ATP2B2: variants seen among roughly 807,000 people sequenced by gnomAD.
ATP2B2 encodes the protein ATPase plasma membrane Ca2+ transporting 2.
Under a neutral mutation model 120.0 loss-of-function variants are expected in ATP2B2, and 15 were observed. The observed-to-expected ratio is 0.12, with a 90% CI of 0.08 to 0.19. ATP2B2 has a LOEUF of 0.19. ATP2B2 is among the 10% of genes least tolerant of loss of function. ATP2B2 has a pLI of 1.00. For missense variants in ATP2B2, 1,045 were observed against 1,719.8 expected (o/e 0.61, Z 6.94); for synonymous variants, 694 against 700.3 (o/e 0.99, Z 0.14).
chr3:10,573,272 TTGAA>T (rs2125547866), intron 2 of ATP2B2, among the ~76,000 whole-genome samples: 1 of 152,252 alleles, frequency 6.6e-6, no homozygotes, highest in Admixed American at 6.5e-5. Flanking sequence ...GAATAATTGA[TTGAA>T]TGTCTATGTT....
At chr3:10,391,947 C>G (rs938068077) in intron 5 of ATP2B2, among the ~76,000 whole-genome samples, 2 of 152,190 alleles carry the variant, frequency 1.3e-5, no homozygotes, top group African/African-American at 4.8e-5. Flanking sequence ...CTGGCCTTTG[C>G]TCACAGTGAT....
intron 1 of ATP2B2, among the ~76,000 whole-genome samples, chr3:10,674,463 T>C (rs761643914): frequency 6.6e-6 from 1 of 152,204 alleles, no homozygotes; most frequent in Non-Finnish European, 1.5e-5. Flanking sequence ...AGGTGACTCA[T>C]GAGAGTATAC....
chr3:10,379,173 G>T, intron 9 of ATP2B2, 70 bp downstream of exon 9: 2 of 1,531,660 alleles, frequency 1.3e-6, no homozygotes. Flanking sequence ...CTCTGTCTCT[G>T]GTGTGACTGT....
intron 2 of ATP2B2, among the ~76,000 whole-genome samples, chr3:10,594,225 C>T (rs967023897): frequency 6.6e-6 from 1 of 152,030 alleles, no homozygotes; most frequent in African/African-American, 2.4e-5. Context: ...GGGTATATAC[C>T]CAAAAGATTA....
chr3:10,604,942 T>A lies in ATP2B2; in HGVS notation c.-415+14975A>T, dbSNP rs559417648. 2.7e-3 allele frequency among the ~76,000 whole-genome samples: 413 copies of A among 152,342 alleles called. 2 individuals are homozygous for A. The highest frequency in any genetic ancestry group is 9.3e-3 in the African/African-American group (388 of 41,574). Reference sequence around the variant, plus strand: ...ATTCAACTGTTCTTGTTCTGAGCTTTAGCCCCTGCTGATCCCTCCTCCTGG... The same window carrying A: ...ATTCAACTGTTCTTGTTCTGAGCTTAAGCCCCTGCTGATCCCTCCTCCTGG... On this transcript the variant is annotated intron_variant, in intron 2 of 21. Transcript: ENST00000646379.
At chr3:10,466,727 A>T (rs963738665) in intron 1 of ATP2B2, among the ~76,000 whole-genome samples, 46 of 152,224 alleles carry the variant, frequency 3.0e-4, no homozygotes, top group Non-Finnish European at 5.4e-4. Flanking sequence ...GAACCCAATG[A>T]CAGAACAACA....
chr3:10,389,290 C>T (rs1297339739), intron 5 of ATP2B2, among the ~76,000 whole-genome samples: 2 of 152,242 alleles, frequency 1.3e-5, no homozygotes, highest in Non-Finnish European at 2.9e-5. Flanking sequence ...TTGCTGCTTG[C>T]AGGCAGCCTC....
At chr3:10,362,658 C>T (rs544386456) in intron 12 of ATP2B2, among the ~76,000 whole-genome samples, 4 of 152,150 alleles carry the variant, frequency 2.6e-5, no homozygotes, top group African/African-American at 9.7e-5. Context: ...GCTCAGAGCA[C>T]CTCCCCGGCT....
At chr3:10,482,457 A>T (rs1224948943) in intron 1 of ATP2B2, among the ~76,000 whole-genome samples, 1 of 152,094 alleles carries the variant, frequency 6.6e-6, no homozygotes, top group African/African-American at 2.4e-5. Flanking sequence ...CCATCCCTCC[A>T]TGCCTCACCT....
intron 22 of ATP2B2, among the ~76,000 whole-genome samples, chr3:10,334,984 T>C (rs2060078593): frequency 1.3e-5 from 2 of 152,196 alleles, no homozygotes; most frequent in Admixed American, 1.3e-4. Flanking sequence ...CAGAAGCGCC[T>C]GACTGGAAAC....
At chr3:10,695,647 A>G (rs1210094581) in intron 1 of ATP2B2, among the ~76,000 whole-genome samples, 1 of 152,152 alleles carries the variant, frequency 6.6e-6, no homozygotes, top group Non-Finnish European at 1.5e-5. Context: ...CCCCTAACCA[A>G]GTGAGAGAGC....
At chr3:10,636,931 A>G (rs1302102973) in intron 1 of ATP2B2, among the ~76,000 whole-genome samples, 1 of 152,216 alleles carries the variant, frequency 6.6e-6, no homozygotes, top group Non-Finnish European at 1.5e-5. Context: ...AACTTACCCA[A>G]GTCCAGGGAA....
chr3:10,453,772 C>T (rs548314358), intron 1 of ATP2B2, among the ~76,000 whole-genome samples: 2 of 152,244 alleles, frequency 1.3e-5, no homozygotes, highest in East Asian at 3.9e-4. Context: ...CAACAGTAGG[C>T]ATGAGTTAGT....
At chr3:10,676,050 C>A (rs2071233219) in intron 1 of ATP2B2, among the ~76,000 whole-genome samples, 1 of 152,180 alleles carries the variant, frequency 6.6e-6, no homozygotes, top group Non-Finnish European at 1.5e-5. Flanking sequence ...TCTGTCTCTT[C>A]CACTGCTTCC....
At chr3:10,702,348 G>A (rs1408436933) in intron 1 of ATP2B2, among the ~76,000 whole-genome samples, 2 of 152,212 alleles carry the variant, frequency 1.3e-5, no homozygotes, top group Non-Finnish European at 2.9e-5. Flanking sequence ...TACCGCGTGT[G>A]CCAGGCACTA....
intron 2 of ATP2B2, among the ~76,000 whole-genome samples, chr3:10,422,181 A>T (rs1385472916): frequency 1.3e-5 from 2 of 152,088 alleles, no homozygotes; most frequent in Non-Finnish European, 2.9e-5. Context: ...GGGACTAGAG[A>T]TGGGGATGTA....
chr3:10,572,147 C>A (rs2068142996), intron 2 of ATP2B2, among the ~76,000 whole-genome samples: 1 of 152,178 alleles, frequency 6.6e-6, no homozygotes. Flanking sequence ...CAGGCGGAGG[C>A]TCAGAGACAA....
In ATP2B2 at chr3:10,402,002, C is replaced by T; in HGVS notation, c.655+89G>A. On this transcript the variant is annotated intron_variant, in intron 4 of 22. Coordinates refer to ENST00000360273, the MANE Select transcript of ATP2B2 (RefSeq NM_001001331.4). The surrounding 1 kb of genome is among the most constrained non-coding windows in gnomAD (Gnocchi z 4.9). Reference sequence around the variant, plus strand: ...CAGCCTTCAGGAATGCATCCCCTTCCTTGAGCCAATCTCTTTGCATCAGCC... The same window carrying T: ...CAGCCTTCAGGAATGCATCCCCTTCTTTGAGCCAATCTCTTTGCATCAGCC... 1 of 1,595,698 alleles carries T rather than the reference C, an allele frequency of 6.3e-7. No individual in the cohort carries two copies.
intron 2 of ATP2B2, among the ~76,000 whole-genome samples, chr3:10,567,408 C>A (rs1413166347): frequency 6.6e-6 from 1 of 152,186 alleles, no homozygotes; most frequent in African/African-American, 2.4e-5. Flanking sequence ...ATCTAACCTG[C>A]ATTTGCTCAG....
Sources: allele counts gnomAD v4.1 joint callset (sites outside exome capture counted in the v4.1 genomes callset), GRCh38; gene constraint gnomAD v4.1.1; non-coding constraint Gnocchi (gnomAD v3.1); transcripts MANE v1.5; gene names NCBI Gene and HGNC (gene_info 2026-07-23, HGNC 2026-07-21).